The following FAM114A1 variants were observed in gnomAD, a reference collection of about 807,000 sequenced individuals.
The protein encoded by FAM114A1 is protein NOXP20.
In FAM114A1, 62 loss-of-function variants were observed where a neutral mutation model predicts 64.3. The observed-to-expected ratio is 0.96, with a 90% CI of 0.79 to 1.19. The LOEUF (loss-of-function observed/expected upper bound fraction) is 1.19. Among genes scored for constraint, FAM114A1 ranks in the 50% most tolerant of loss-of-function variants. The pLI is 0.00. For synonymous variants in FAM114A1, 254 were observed against 251.1 expected (o/e 1.01, Z -0.11); for missense variants, 645 against 676.3 (o/e 0.95, Z 0.51).
chr4:38,926,124 G>T (rs1720068318), intron 9 of FAM114A1, among the ~76,000 whole-genome samples: 1 of 152,228 alleles, frequency 6.6e-6, no homozygotes, highest in South Asian at 2.1e-4. Context: ...ATATGAGTGG[G>T]TTTTATTGTC....
intron 3 of FAM114A1, among the ~76,000 whole-genome samples, chr4:38,881,411 G>A (rs1560289162): frequency 6.6e-6 from 1 of 152,074 alleles, no homozygotes; most frequent in South Asian, 2.1e-4. Context: ...TAATAATAGA[G>A]CACCACGGAA....
At chr4:38,873,306 G>A (rs533596377) in intron 2 of FAM114A1, among the ~76,000 whole-genome samples, 2 of 152,264 alleles carry the variant, frequency 1.3e-5, no homozygotes, top group Admixed American at 6.5e-5. Flanking sequence ...TAACTGGGAG[G>A]TGAAGGAAAA....
intron 12 of FAM114A1, among the ~76,000 whole-genome samples, chr4:38,934,613 A>G (rs1163740396): frequency 3.9e-5 from 6 of 152,218 alleles, no homozygotes; most frequent in Non-Finnish European, 5.9e-5. Context: ...AATATCAGAC[A>G]TTACCTACAT....
chr4:38,906,695 C>T (rs1718042361), intron 6 of FAM114A1, among the ~76,000 whole-genome samples: 1 of 152,134 alleles, frequency 6.6e-6, no homozygotes, highest in South Asian at 2.1e-4. Flanking sequence ...CCACCACACC[C>T]AGCTAATTTT....
At chr4:38,942,539 GT>G (rs1216146676) in intron 14 of FAM114A1, among the ~76,000 whole-genome samples, 2 of 152,064 alleles carry the variant, frequency 1.3e-5, no homozygotes, top group African/African-American at 2.4e-5. Context: ...GAGGTCAAAT[GT>G]TTTTTCCGTT....
At chr4:38,908,395 C>T (rs1044594545) in intron 6 of FAM114A1, among the ~76,000 whole-genome samples, 197 bp from the exon 7 acceptor site, 5 of 151,780 alleles carry the variant, frequency 3.3e-5, no homozygotes, top group Admixed American at 1.3e-4. Flanking sequence ...ATTGTATGTC[C>T]TACAAATTAT....
At chr4:38,939,341 A>AAC (rs1721395226) in intron 13 of FAM114A1, among the ~76,000 whole-genome samples, 1 of 152,190 alleles carries the variant, frequency 6.6e-6, no homozygotes, top group Non-Finnish European at 1.5e-5. Flanking sequence ...CATTTACATC[A>AAC]AGTCAGTGTT....
intron 3 of FAM114A1, among the ~76,000 whole-genome samples, chr4:38,883,848 C>T (rs955135919): frequency 9.2e-5 from 14 of 152,268 alleles, no homozygotes; most frequent in Non-Finnish European, 1.6e-4. Flanking sequence ...CGGTGACACC[C>T]AGTTTTGGCT....
At chr4:38,869,381 G>A (rs917805755) in intron 2 of FAM114A1, among the ~76,000 whole-genome samples, 2 of 152,194 alleles carry the variant, frequency 1.3e-5, no homozygotes, top group Admixed American at 6.5e-5. Flanking sequence ...CCGGGGCAGA[G>A]GAACCAGCGT....
intron 12 of FAM114A1, among the ~76,000 whole-genome samples, chr4:38,935,195 G>A (rs753387402): frequency 5.3e-5 from 8 of 152,142 alleles, no homozygotes; most frequent in Non-Finnish European, 7.3e-5. Context: ...GATTACAGGC[G>A]TGAGCCACTG....
intron 14 of FAM114A1, among the ~76,000 whole-genome samples, 160 bp from the exon 15 acceptor site, chr4:38,943,296 A>G (rs533681388): frequency 2.0e-5 from 3 of 152,248 alleles, no homozygotes; most frequent in African/African-American, 7.2e-5. Flanking sequence ...TGCCCCATCC[A>G]AAAGCATGTG....
chr4:38,875,022 G>C (rs1056195703), intron 2 of FAM114A1, among the ~76,000 whole-genome samples: 1 of 151,990 alleles, frequency 6.6e-6, no homozygotes, highest in African/African-American at 2.4e-5. Flanking sequence ...ATTCTGTTCT[G>C]TTGGCTTATG....
chr4:38,933,851 T>G (rs901587936), intron 12 of FAM114A1, among the ~76,000 whole-genome samples: 1 of 152,230 alleles, frequency 6.6e-6, no homozygotes, highest in Non-Finnish European at 1.5e-5. Context: ...CTAACTAGTC[T>G]TTGCTTATTA....
chr4:38,868,999 T>C (rs1404911325), intron 2 of FAM114A1, among the ~76,000 whole-genome samples: 1 of 152,236 alleles, frequency 6.6e-6, no homozygotes, highest in Non-Finnish European at 1.5e-5. Context: ...TGGAGGGGGC[T>C]TTCTTGAATC....
chr4:38,884,220 C>G (rs1715576277), intron 3 of FAM114A1, among the ~76,000 whole-genome samples: 1 of 152,180 alleles, frequency 6.6e-6, no homozygotes, highest in African/African-American at 2.4e-5. Context: ...AACTCCTAGA[C>G]TCAAGCTCTT....
chr4:38,885,681 G>T (rs2890682), intron 3 of FAM114A1, among the ~76,000 whole-genome samples: 2,552 of 152,218 alleles, frequency 0.017, 117 homozygotes, highest in Admixed American at 0.086. Flanking sequence ...TTGCAGTTAG[G>T]TGTGGTAATT....
At chr4:38,898,843 A>G (rs567362566) in intron 4 of FAM114A1, among the ~76,000 whole-genome samples, 29 of 151,648 alleles carry the variant, frequency 1.9e-4, no homozygotes, top group Admixed American at 1.4e-3. Context: ...GCTCTTCACA[A>G]CTTTTTATAA....
chr4:38,894,932 G>A (rs1398641645), intron 4 of FAM114A1, among the ~76,000 whole-genome samples: 1 of 152,142 alleles, frequency 6.6e-6, no homozygotes, highest in African/African-American at 2.4e-5. Flanking sequence ...CTAAAATCAG[G>A]GTGGCAGCCA....
rs7668343 is a variant in FAM114A1, at chr4:38,912,887, G to A, written c.793-2034G>A. Reference sequence around the variant, plus strand: ...TCAGTGCGGGTAATTAGTTTTTATTGCCAGTGTTAAAATTTTCCAGTGATG... The same window carrying A: ...TCAGTGCGGGTAATTAGTTTTTATTACCAGTGTTAAAATTTTCCAGTGATG... On this transcript the variant is annotated intron_variant, in intron 7 of 14. Coordinates refer to ENST00000358869, the MANE Select transcript of FAM114A1 (RefSeq NM_138389.4). Among the ~76,000 whole-genome samples the A allele has an allele frequency of 5.0e-3, 759 of 152,272 alleles. 8 individuals are homozygous for A. Among genetic ancestry groups the A allele is most frequent in the African/African-American group, 0.017 (712 of 41,548 alleles).
Sources: allele counts gnomAD v4.1 joint callset (sites outside exome capture counted in the v4.1 genomes callset), GRCh38; gene constraint gnomAD v4.1.1; transcripts MANE v1.5; gene names NCBI Gene and HGNC (gene_info 2026-07-23, HGNC 2026-07-21).